Variants in SASH1 observed in about 807,000 individuals in gnomAD.
The protein encoded by SASH1 is SAM and SH3 domain containing 1.
In SASH1, 44 loss-of-function variants were observed where a neutral mutation model predicts 125.2. That is an observed-to-expected ratio of 0.35 (90% CI 0.28 to 0.45). The LOEUF (loss-of-function observed/expected upper bound fraction) is 0.45. Ranked by LOEUF, SASH1 falls within the 20% of genes least tolerant of loss-of-function variation. The pLI, the probability that SASH1 is intolerant of heterozygous loss-of-function variation, is 1.00. For synonymous variants in SASH1, 639 were observed against 649.1 expected (o/e 0.98, Z 0.24); for missense variants, 1,426 against 1,614.5 (o/e 0.88, Z 2.00).
At chr6:148,513,216 T>C (rs957470618) in intron 8 of SASH1, 19 of 985,318 alleles carry the variant, frequency 1.9e-5, no homozygotes, top group Non-Finnish European at 2.3e-5. Flanking sequence ...TGAGGCTTGT[T>C]TTTGTTTTGT....
At chr6:148,527,227 T>A (rs1781231749) in intron 11 of SASH1, 3 of 438,588 alleles carry the variant, frequency 6.8e-6, no homozygotes, top group Non-Finnish European at 1.2e-5. Context: ...TAAAAGTAAG[T>A]AAAATAAAAA....
chr6:148,520,914 A>G (rs1780768109), intron 10 of SASH1, among the ~76,000 whole-genome samples: 1 of 152,236 alleles, frequency 6.6e-6, no homozygotes, highest in African/African-American at 2.4e-5. Flanking sequence ...TCGTAAATCT[A>G]ACAACAAAAA....
intron 7 of SASH1, among the ~76,000 whole-genome samples, chr6:148,477,397 TAGAG>T (rs1255801520): frequency 6.6e-6 from 1 of 152,190 alleles, no homozygotes; most frequent in Non-Finnish European, 1.5e-5. Flanking sequence ...ATTTAAAAAA[TAGAG>T]AAAGTATCTG....
At chr6:148,408,942 C>A (rs910928827) in intron 2 of SASH1, among the ~76,000 whole-genome samples, 3 of 152,194 alleles carry the variant, frequency 2.0e-5, no homozygotes, top group African/African-American at 7.2e-5. Context: ...CAGCCCCTGC[C>A]TCCCTCCCAC....
the SASH1 span, among the ~76,000 whole-genome samples, chr6:148,203,155 C>A: frequency 6.6e-6 from 1 of 152,182 alleles, no homozygotes; most frequent in East Asian, 1.9e-4. Context: ...TGGAAGTATG[C>A]TTCAGAAGAA....
chr6:148,328,399 C>A (rs1297437002), intron 1 of SASH1, among the ~76,000 whole-genome samples: 1 of 152,046 alleles, frequency 6.6e-6, no homozygotes, highest in Non-Finnish European at 1.5e-5. Flanking sequence ...TCGAGACCGG[C>A]CTGGCTAACA....
At chr6:148,325,969 A>G (rs1309571394) in intron 1 of SASH1, among the ~76,000 whole-genome samples, 1 of 150,972 alleles carries the variant, frequency 6.6e-6, no homozygotes, top group East Asian at 1.9e-4. Context: ...TTTTAAATGA[A>G]CCTACATGAG....
At chr6:148,282,446 A>T (rs2128506057) in intron 1 of SASH1, among the ~76,000 whole-genome samples, 1 of 151,482 alleles carries the variant, frequency 6.6e-6, no homozygotes, top group Admixed American at 6.6e-5. Flanking sequence ...CAGTGGCATG[A>T]TCTTGGCTCA....
At chr6:148,466,746 G>GT (rs140881873) in intron 4 of SASH1, among the ~76,000 whole-genome samples, 13,189 of 149,506 alleles carry the variant, frequency 0.088, 733 homozygotes, top group Non-Finnish European at 0.13. Context: ...CTTTTTAGAA[G>GT]TTTTTTTTTT....
chr6:148,453,791 A>G (rs1777212704), intron 4 of SASH1, among the ~76,000 whole-genome samples: 1 of 152,190 alleles, frequency 6.6e-6, no homozygotes, highest in East Asian at 1.9e-4. Context: ...GGACAGGGGA[A>G]CTGCAGAAGG....
At chr6:148,288,564 A>G (rs1779545861) in intron 1 of SASH1, among the ~76,000 whole-genome samples, 1 of 152,140 alleles carries the variant, frequency 6.6e-6, no homozygotes, top group Non-Finnish European at 1.5e-5. Context: ...TATCTACCTC[A>G]TGTGTGGTCC....
intron 1 of SASH1, among the ~76,000 whole-genome samples, chr6:148,292,721 A>G (rs879664634): frequency 1.3e-5 from 2 of 152,156 alleles, no homozygotes; most frequent in South Asian, 2.1e-4. Context: ...TGTGAATTCC[A>G]TTGATCGTAG....
chr6:148,242,301 T>A, the SASH1 span, among the ~76,000 whole-genome samples: 3 of 152,346 alleles, frequency 2.0e-5, no homozygotes, highest in East Asian at 5.8e-4. Flanking sequence ...TCCATTCCAG[T>A]GGGAACCTGG....
Position 148,539,106 on chromosome 6 carries a change from T to C in SASH1, c.2096-1337T>C, listed in dbSNP as rs762896792. ...GTCCGATGCTGCTTTTTTTTTTTTT[T>C]CCCCTCCAGCTTTGTTGAGGCACAG... On this transcript the variant is annotated intron_variant, in intron 16 of 19. Coordinates refer to ENST00000367467, the MANE Select transcript of SASH1 (RefSeq NM_015278.5). Among the ~76,000 whole-genome samples, 995 of 151,084 alleles carry C rather than the reference T, an allele frequency of 6.6e-3. 3 individuals carry two copies. The highest frequency in any genetic ancestry group is 0.014 in the African/African-American group (574 of 41,214).
At chr6:148,481,934 G>A (rs1778638150) in intron 7 of SASH1, among the ~76,000 whole-genome samples, 1 of 152,196 alleles carries the variant, frequency 6.6e-6, no homozygotes, top group African/African-American at 2.4e-5. Context: ...GTAAAATGCA[G>A]TTTCTGTGAT....
At chr6:148,510,061 T>G (rs1165940372) in intron 8 of SASH1, among the ~76,000 whole-genome samples, 1 of 152,206 alleles carries the variant, frequency 6.6e-6, no homozygotes, top group African/African-American at 2.4e-5. Flanking sequence ...GCTTGGTCAA[T>G]TTGTTATGGT....
intron 1 of SASH1, among the ~76,000 whole-genome samples, chr6:148,326,967 T>C (rs1416413596): frequency 3.3e-5 from 5 of 152,188 alleles, no homozygotes; most frequent in Admixed American, 3.3e-4. Context: ...CTTTTCCTTT[T>C]GCCTTGAAAA....
intron 1 of SASH1, among the ~76,000 whole-genome samples, chr6:148,375,737 G>A (rs1056769798): frequency 6.6e-6 from 1 of 152,196 alleles, no homozygotes; most frequent in Non-Finnish European, 1.5e-5. Flanking sequence ...TAATACACAT[G>A]TGCCGGAACA....
rs181277849 is a variant in SASH1, at chr6:148,289,227, C to T, written n.74+16850C>T. ...TTCCCAGCCCAGGTCACCTCACAAT[C>T]CATAACTGAGAAGCATTTTATACTT... is the stretch of plus-strand genomic sequence containing the variant. On this transcript the variant is annotated intron_variant and non_coding_transcript_variant, in intron 1 of 3. Transcript: ENST00000367469. 2.3e-3 allele frequency among the ~76,000 whole-genome samples: 347 copies of T among 152,312 alleles called. 1 individual carries two copies. Among genetic ancestry groups the T allele is most frequent in the Non-Finnish European group, 4.0e-3 (275 of 68,036 alleles).
Sources: allele counts gnomAD v4.1 joint callset (sites outside exome capture counted in the v4.1 genomes callset), GRCh38; gene constraint gnomAD v4.1.1; transcripts MANE v1.5; gene names NCBI Gene and HGNC (gene_info 2026-07-23, HGNC 2026-07-21).